Variants in THOC5 observed in about 807,000 individuals in gnomAD.
THOC5 encodes Fms-interacting protein.
A neutral mutation model predicts 92.9 loss-of-function variants in THOC5; 43 were observed. That is an observed-to-expected ratio of 0.46 (90% confidence interval 0.36 to 0.60). THOC5 has a LOEUF of 0.60. THOC5 is among the 20% of genes least tolerant of loss of function. The pLI, the probability that THOC5 is intolerant of heterozygous loss-of-function variation, is 0.00. For synonymous variants in THOC5, 296 were observed against 320.1 expected (o/e 0.92, Z 0.80); for missense variants, 659 against 849.4 (o/e 0.78, Z 2.79).
intron 19 of THOC5, among the ~76,000 whole-genome samples, chr22:29,508,728 C>A (rs1454508365): frequency 6.6e-6 from 1 of 152,112 alleles, no homozygotes; most frequent in Non-Finnish European, 1.5e-5. Context: ...TGAACACAAA[C>A]TTGGAAAGGC....
At chr22:29,517,205 G>A (rs2063350166) in intron 16 of THOC5, 58 bp downstream of exon 16, 2 of 1,605,550 alleles carry the variant, frequency 1.2e-6, no homozygotes, top group East Asian at 2.2e-5. Context: ...GAGCTGAAAG[G>A]TGACATGGTC....
chr22:29,533,214 AG>A (rs2063690355), intron 7 of THOC5, among the ~76,000 whole-genome samples: 1 of 152,224 alleles, frequency 6.6e-6, no homozygotes, highest in African/African-American at 2.4e-5. Flanking sequence ...GTAAATGCAA[AG>A]GGCCAAGAAT....
chr22:29,523,860 T>G (rs2063493171), intron 12 of THOC5, among the ~76,000 whole-genome samples: 1 of 152,230 alleles, frequency 6.6e-6, no homozygotes, highest in South Asian at 2.1e-4. Context: ...AGAATTAGTG[T>G]GAGAATATAC....
At chr22:29,514,447 G>C (rs2063293638) in intron 17 of THOC5, among the ~76,000 whole-genome samples, 1 of 150,746 alleles carries the variant, frequency 6.6e-6, no homozygotes, top group Non-Finnish European at 1.5e-5. Context: ...CTCCCGAGTA[G>C]CTGGGACTAC....
chr22:29,523,623 G>A (rs1417057504), intron 12 of THOC5, among the ~76,000 whole-genome samples: 1 of 152,102 alleles, frequency 6.6e-6, no homozygotes, highest in Non-Finnish European at 1.5e-5. Context: ...CAAATACAAA[G>A]ACGGTGGAAA....
At chr22:29,537,498 G>A (rs1465389040) in intron 6 of THOC5, among the ~76,000 whole-genome samples, 1 of 152,152 alleles carries the variant, frequency 6.6e-6, no homozygotes, top group African/African-American at 2.4e-5. Context: ...AATTAGCTGG[G>A]CACAGTGACA....
chr22:29,515,045 G>T (rs775271940), intron 17 of THOC5, among the ~76,000 whole-genome samples: 20 of 149,184 alleles, frequency 1.3e-4, no homozygotes, highest in South Asian at 6.5e-4. Flanking sequence ...ATTGTTTTTT[G>T]TTGTTGTTTT....
Position 29,542,933 on chromosome 22 carries a change from A to G in THOC5, c.378T>C (p.Tyr126=). The G allele has an allele frequency of 6.2e-7, 1 of 1,612,730 alleles. No homozygotes were observed. Among genetic ancestry groups the G allele is most frequent in the Non-Finnish European group, 8.5e-7 (1 of 1,179,302 alleles). The change falls in exon 5 of 20, where the codon TAT becomes TAC. Residue 126 remains tyrosine (Y), a synonymous_variant. Transcript: ENST00000490103. ...THEAKQKVDA[Y]HLQLQNLLYE... ...ACAACAGGTTCTGGAGCTGCAGATG[A>G]TAGGCATCTACTTTCTGCTTAGCCT...
In THOC5 at chr22:29,515,409, C is replaced by T. The variant is rs201619849; in HGVS notation, c.1681+1620G>A. ...CTATAGTGCAAACATAACTTTTATA[C>T]GTACTGGGAAACCAAAAAATTTGTG... On this transcript the variant is annotated intron_variant, in intron 17 of 19. Coordinates refer to ENST00000490103, the MANE Select transcript of THOC5 (RefSeq NM_003678.5). Among the ~76,000 whole-genome samples the T allele has an allele frequency of 4.6e-5, 7 of 152,218 alleles. No individual in the cohort carries two copies. In the East Asian group the frequency reaches 1.2e-3, roughly 25 times the overall value.
At chr22:29,513,599 G>A (rs1267893999) in intron 17 of THOC5, among the ~76,000 whole-genome samples, 2 of 152,008 alleles carry the variant, frequency 1.3e-5, no homozygotes, top group East Asian at 3.9e-4. Context: ...AAGACGGGAG[G>A]GTCACTTGAA....
chr22:29,519,185 C>T (rs550930094), intron 14 of THOC5, 65 bp from the exon 15 acceptor site: 3 of 1,100,126 alleles, frequency 2.7e-6, no homozygotes, highest in Admixed American at 2.0e-5. Flanking sequence ...CACCATCTCT[C>T]TCCTGGGACC....
intron 2 of THOC5, among the ~76,000 whole-genome samples, chr22:29,546,792 GCT>G (rs1399292075): frequency 4.6e-5 from 7 of 150,750 alleles, no homozygotes; most frequent in African/African-American, 9.8e-5. Flanking sequence ...AAACTTTTAT[GCT>G]CTGTTTTCCT....
chr22:29,537,575 G>A (rs2063784524), intron 6 of THOC5, among the ~76,000 whole-genome samples: 1 of 151,990 alleles, frequency 6.6e-6, no homozygotes, highest in Admixed American at 6.6e-5. Flanking sequence ...GGAGGCGGAG[G>A]TGAAACCCCC....
intron 7 of THOC5, among the ~76,000 whole-genome samples, chr22:29,533,305 A>G (rs2063692253): frequency 6.6e-6 from 1 of 152,226 alleles, no homozygotes; most frequent in South Asian, 2.1e-4. Context: ...AGACAGTGTG[A>G]TACTGTGCAA....
At chr22:29,534,075 C>T (rs5763304) in intron 7 of THOC5, among the ~76,000 whole-genome samples, 73,030 of 151,984 alleles carry the variant, frequency 0.48, 17,712 homozygotes, top group East Asian at 0.76. Context: ...GGCCCTAAAC[C>T]GGAAACAACC....
chr22:29,516,094 G>A (rs1448490863), intron 17 of THOC5, among the ~76,000 whole-genome samples: 2 of 148,938 alleles, frequency 1.3e-5, no homozygotes, highest in Non-Finnish European at 3.0e-5. Context: ...AGTGAGCTAT[G>A]ATCGTGCCAC....
intron 12 of THOC5, among the ~76,000 whole-genome samples, chr22:29,523,529 A>G (rs1168477773): frequency 6.6e-6 from 1 of 152,226 alleles, no homozygotes; most frequent in Non-Finnish European, 1.5e-5. Flanking sequence ...AGAAAGACGA[A>G]CACGTTTAAC....
chr22:29,530,839 A>T (rs1211109020), intron 8 of THOC5, among the ~76,000 whole-genome samples: 1 of 152,138 alleles, frequency 6.6e-6, no homozygotes, highest in Non-Finnish European at 1.5e-5. Context: ...CAAGAGCCTG[A>T]AACGGTTTGC....
intron 2 of THOC5, among the ~76,000 whole-genome samples, chr22:29,546,703 G>T (rs1173331041): frequency 1.3e-5 from 2 of 152,026 alleles, no homozygotes; most frequent in Non-Finnish European, 2.9e-5. Context: ...GCCTCCCAAA[G>T]TGCTGGGATT....
Sources: gnomAD v4.1 joint callset for allele counts (sites outside exome capture counted in the v4.1 genomes callset) on GRCh38, gnomAD v4.1.1 for gene constraint, MANE v1.5 for transcripts, NCBI Gene and HGNC (gene_info 2026-07-23, HGNC 2026-07-21) for gene names.